The following PPP1R16B variants were observed in gnomAD, a reference collection of about 807,000 sequenced individuals.
PPP1R16B encodes the protein protein phosphatase 1 regulatory subunit 16B.
PPP1R16B carries 14 observed loss-of-function variants against 61.7 expected under a neutral mutation model. The ratio of observed to expected loss-of-function variants is 0.23; its 90% CI spans 0.15 to 0.35. PPP1R16B has a LOEUF of 0.35. Ranked by LOEUF, PPP1R16B falls within the 10% of genes least tolerant of loss-of-function variation. PPP1R16B has a pLI of 1.00. For missense variants in PPP1R16B, 547 were observed against 752.5 expected (o/e 0.73, Z 3.19); for synonymous variants, 266 against 305.3 (o/e 0.87, Z 1.34).
intron 2 of PPP1R16B, among the ~76,000 whole-genome samples, chr20:38,877,509 A>T (rs944852059): frequency 6.6e-6 from 1 of 151,870 alleles, no homozygotes; most frequent in African/African-American, 2.4e-5. Flanking sequence ...ATGGGGTTTC[A>T]CCATGTTGGC....
rs896854224 is a variant in PPP1R16B at position 38,883,615 on chromosome 20, C to T, written c.251-5980C>T. The stretch of plus-strand genomic sequence containing the variant: ...GCCTGTGTAGGGGGTGGCGGGGCAC[C>T]GACTGTGGCCTTACAGTGGTCTGTG... On this transcript the variant is annotated intron_variant, in intron 2 of 10. Transcript: ENST00000299824. 5.3e-5 allele frequency among the ~76,000 whole-genome samples: 8 copies of T among 152,142 alleles called. No homozygotes were observed. In the East Asian group the frequency reaches 1.2e-3, roughly 22 times the overall value.
chr20:38,820,183 G>A (rs1014791683), intron 1 of PPP1R16B, among the ~76,000 whole-genome samples: 6 of 152,088 alleles, frequency 3.9e-5, no homozygotes, highest in Admixed American at 3.9e-4. Flanking sequence ...CTACTTCTGG[G>A]GGCATTTTGG....
chr20:38,857,564 G>C (rs2145734369), intron 2 of PPP1R16B, among the ~76,000 whole-genome samples: 1 of 152,304 alleles, frequency 6.6e-6, no homozygotes, highest in African/African-American at 2.4e-5. Flanking sequence ...ATTAATGGAA[G>C]GGGGTTGGAT....
At chr20:38,838,013 G>A (rs1038143431) in intron 2 of PPP1R16B, 4 of 152,250 alleles carry the variant, frequency 2.6e-5, no homozygotes, top group African/African-American at 9.7e-5. Context: ...ACTCAGAGAG[G>A]TTCAGAACCT....
At chr20:38,901,348 C>T (rs918931082) in intron 5 of PPP1R16B, among the ~76,000 whole-genome samples, 1 of 152,240 alleles carries the variant, frequency 6.6e-6, no homozygotes, top group Admixed American at 6.5e-5. Context: ...CTATTCATCT[C>T]CTGCAGAGGT....
chr20:38,843,889 T>C (rs1181462245), intron 2 of PPP1R16B, among the ~76,000 whole-genome samples: 9 of 152,246 alleles, frequency 5.9e-5, no homozygotes, highest in Non-Finnish European at 1.3e-4. Context: ...TGTTGTGATA[T>C]GTTATTTTGG....
intron 10 of PPP1R16B, among the ~76,000 whole-genome samples, chr20:38,908,494 A>G (rs1045591006): frequency 6.6e-6 from 1 of 152,256 alleles, no homozygotes; most frequent in Non-Finnish European, 1.5e-5. Flanking sequence ...CTATGCGCCT[A>G]GCTGTGCTCC....
chr20:38,840,258 G>A (rs1231012084), intron 2 of PPP1R16B, among the ~76,000 whole-genome samples: 2 of 152,172 alleles, frequency 1.3e-5, no homozygotes, highest in African/African-American at 4.8e-5. Context: ...AGTGGCGTGG[G>A]AGCGTGGGGT....
chr20:38,918,059 A>T lies in PPP1R16B; in HGVS notation c.1195-98A>T. ...ATACCCAGGGAGAGAAAACAGATAG[A>T]GGAAAAGTCCAAACAATAATGCCCT... On this transcript the variant is annotated intron_variant, in intron 10 of 10. Transcript: ENST00000299824. This position sits in a 1 kb window ranked among gnomAD's most constrained non-coding sequence, Gnocchi z 5.3. 2 of 1,467,980 alleles carry T rather than the reference A, an allele frequency of 1.4e-6. No homozygotes were observed. Among genetic ancestry groups the T allele is most frequent in the Non-Finnish European group, 1.9e-6 (2 of 1,080,136 alleles). 90.9% of individuals were successfully genotyped at this position (1,467,980 alleles called of 1,614,324 possible).
chr20:38,885,407 G>T (rs1013069537), intron 2 of PPP1R16B, among the ~76,000 whole-genome samples: 1 of 152,150 alleles, frequency 6.6e-6, no homozygotes, highest in African/African-American at 2.4e-5. Context: ...GGATTGCAGG[G>T]CGTCTGATAC....
chr20:38,912,535 G>A (rs2085500904), intron 10 of PPP1R16B, among the ~76,000 whole-genome samples: 2 of 151,620 alleles, frequency 1.3e-5, no homozygotes. Flanking sequence ...AATTAGGTGG[G>A]TGTGATGGTG....
chr20:38,895,997 T>C (rs200755598), intron 4 of PPP1R16B, among the ~76,000 whole-genome samples: 4,964 of 88,130 alleles, frequency 0.056, 631 homozygotes, highest in East Asian at 0.14. Flanking sequence ...CTTCTTTCTC[T>C]CCTCCCTTCC....
chr20:38,875,871 G>A (rs1292890829), intron 2 of PPP1R16B, among the ~76,000 whole-genome samples: 2 of 151,790 alleles, frequency 1.3e-5, no homozygotes, highest in Non-Finnish European at 2.9e-5. Flanking sequence ...TCCTGGCCAC[G>A]ATCCCAGGGT....
chr20:38,918,843 C>A lies in PPP1R16B; in HGVS notation c.*177C>A, dbSNP rs1394359470. 1 of 736,230 alleles carries A rather than the reference C, an allele frequency of 1.4e-6. No homozygotes were observed. The highest frequency in any genetic ancestry group is 3.1e-5 in the East Asian group (1 of 32,412). The allele number at this position is 736,230 out of a possible 1,614,324, so 45.6% of individuals were successfully genotyped here. A position where few individuals can be genotyped will look rare whatever the true frequency, so the allele number is the denominator to read the frequency against. On this transcript the variant is annotated 3_prime_UTR_variant, in exon 11 of 11. Coordinates refer to ENST00000299824, the MANE Select transcript of PPP1R16B (RefSeq NM_015568.4). This position sits in a 1 kb window ranked among gnomAD's most constrained non-coding sequence, Gnocchi z 5.3. ...CCATAGCATCCCATGTCCCACGTCC[C>A]GTGGTTCTGCTTCCTGCTGCATCGT...
intron 2 of PPP1R16B, among the ~76,000 whole-genome samples, chr20:38,864,690 A>C (rs1601269503): frequency 6.6e-6 from 1 of 151,908 alleles, no homozygotes; most frequent in African/African-American, 2.4e-5. Flanking sequence ...GACCTCATTC[A>C]CCCAGAAAGA....
At chr20:38,896,627 T>C (rs2085351731) in intron 4 of PPP1R16B, among the ~76,000 whole-genome samples, 1 of 152,148 alleles carries the variant, frequency 6.6e-6, no homozygotes, top group African/African-American at 2.4e-5. Flanking sequence ...TAACATAAAA[T>C]ACCATCTTAC....
intron 1 of PPP1R16B, among the ~76,000 whole-genome samples, chr20:38,834,796 A>G (rs867820091): frequency 1.2e-4 from 18 of 152,062 alleles, no homozygotes; most frequent in Non-Finnish European, 2.4e-4. Flanking sequence ...AATCTATAAC[A>G]TATTTTTATT....
chr20:38,878,478 G>A (rs62201378), intron 2 of PPP1R16B, among the ~76,000 whole-genome samples: 4,172 of 152,272 alleles, frequency 0.027, 69 homozygotes, highest in Non-Finnish European at 0.045. Flanking sequence ...TTTATTCTTG[G>A]CTATATTTGA....
intron 2 of PPP1R16B, 106 bp from the exon 3 acceptor site, chr20:38,889,489 C>A: frequency 1.0e-6 from 1 of 996,398 alleles, no homozygotes; most frequent in Non-Finnish European, 1.6e-6. Flanking sequence ...GGAGTTGTTA[C>A]TACATTCTTC....
Sources: gnomAD v4.1 joint callset for allele counts (sites outside exome capture counted in the v4.1 genomes callset) on GRCh38, gnomAD v4.1.1 for gene constraint, Gnocchi (gnomAD v3.1) non-coding constraint, MANE v1.5 for transcripts, NCBI Gene and HGNC (gene_info 2026-07-23, HGNC 2026-07-21) for gene names.